SYT2: variants seen among roughly 807,000 people sequenced by gnomAD.
The protein encoded by SYT2 is synaptotagmin 2.
SYT2 carries 15 observed loss-of-function variants against 39.9 expected under a neutral mutation model. That is an observed-to-expected ratio of 0.38 (90% confidence interval 0.25 to 0.58). SYT2 has a LOEUF of 0.58. Among genes scored for constraint, SYT2 ranks in the 20% least tolerant of loss-of-function variants. SYT2 has a pLI of 0.70. For missense variants in SYT2, 389 were observed against 530.3 expected (o/e 0.73, Z 2.62); for synonymous variants, 181 against 204.5 (o/e 0.89, Z 0.98).
chr1:202,657,675 C>T (rs1692303023), intron 1 of SYT2, among the ~76,000 whole-genome samples: 2 of 152,056 alleles, frequency 1.3e-5, no homozygotes, highest in Admixed American at 1.3e-4. Context: ...CCCCCTTCCC[C>T]TGGTTTCAGT....
intron 1 of SYT2, among the ~76,000 whole-genome samples, chr1:202,694,861 T>G (rs1462518736): frequency 1.3e-5 from 2 of 152,108 alleles, no homozygotes; most frequent in African/African-American, 4.8e-5. Flanking sequence ...CAACTGTGCA[T>G]ACATTCTTCT....
chr1:202,605,447 T>G, intron 2 of SYT2, 148 bp downstream of exon 2: 3 of 627,280 alleles, frequency 4.8e-6, no homozygotes, highest in East Asian at 2.9e-5. Context: ...CCCTCCCCGA[T>G]TCCTGCAGGG....
At chr1:202,686,770 C>T (rs1223222034) in intron 1 of SYT2, among the ~76,000 whole-genome samples, 4 of 152,204 alleles carry the variant, frequency 2.6e-5, no homozygotes, top group East Asian at 1.9e-4. Flanking sequence ...GCCAAAGGCA[C>T]GCCCCTCTGC....
intron 1 of SYT2, among the ~76,000 whole-genome samples, chr1:202,687,666 C>CAAAAAAAAAAAAAAAAA (rs59844832): frequency 6.0e-5 from 5 of 83,910 alleles, no homozygotes; most frequent in East Asian, 2.8e-4. Flanking sequence ...AACTCCATCT[C>CAAAAAAAAAAAAAAAAA]AAAAAAAAAA....
At chr1:202,647,927 C>A (rs948407445) in intron 1 of SYT2, among the ~76,000 whole-genome samples, 3 of 151,816 alleles carry the variant, frequency 2.0e-5, no homozygotes, top group African/African-American at 7.3e-5. Flanking sequence ...CACAGTAATT[C>A]TGAGCATTAG....
At chr1:202,677,595 G>A (rs112142001) in intron 1 of SYT2, among the ~76,000 whole-genome samples, 3 of 152,296 alleles carry the variant, frequency 2.0e-5, no homozygotes, top group African/African-American at 7.2e-5. Context: ...TCCTCCAGGG[G>A]CCCCAAAGAA....
rs2149118885 is a variant in SYT2, at chr1:202,694,823, A to T, written c.-18+15435T>A. Among the ~76,000 whole-genome samples the T allele has an allele frequency of 2.0e-5, 3 of 151,354 alleles. No homozygotes were observed. The Middle Eastern group carries it at 0.01, about 518-fold the overall frequency. The stretch of plus-strand genomic sequence containing the variant: ...CTCCTTCTCTCCCCTCCGACACTTT[A>T]ATATATTTATATAAGTTGACTGGTT... On this transcript the variant is annotated intron_variant, in intron 1 of 8. Transcript: ENST00000367268.
intron 1 of SYT2, among the ~76,000 whole-genome samples, chr1:202,674,328 C>T (rs1653283807): frequency 6.6e-6 from 1 of 152,158 alleles, no homozygotes; most frequent in East Asian, 1.9e-4. Context: ...TCTCGAACTC[C>T]TGACCTCAGT....
At chr1:202,597,302 T>G (rs10494834) in intron 8 of SYT2, among the ~76,000 whole-genome samples, 93,730 of 151,894 alleles carry the variant, frequency 0.62, 29,129 homozygotes, top group Admixed American at 0.71. Flanking sequence ...ACAACATGAA[T>G]TGATAAAGGT....
chr1:202,640,759 AG>A (rs1252277821), intron 1 of SYT2, among the ~76,000 whole-genome samples: 16 of 142,170 alleles, frequency 1.1e-4, no homozygotes, highest in Non-Finnish European at 2.3e-4. Flanking sequence ...AGAGAGAGAG[AG>A]AGAGAGAGAG....
At position 202,623,652 on chromosome 1, in the gene SYT2, T is replaced by C. The variant is rs898769158; in HGVS notation, c.-17-17863A>G. 4.6e-5 allele frequency among the ~76,000 whole-genome samples: 7 copies of C among 151,954 alleles called. No individual in the cohort carries two copies. Among genetic ancestry groups the C allele is most frequent in the African/African-American group, 1.7e-4 (7 of 41,378 alleles). On this transcript the variant is annotated intron_variant, in intron 1 of 8. Transcript: ENST00000367268. The surrounding 1 kb of genome is among the most constrained non-coding windows in gnomAD (Gnocchi z 4.2). ...GCTGCCTGGTGTAGGATACGGAAAGTGTGTAGGGGGGGTGCACCCGTGGGC... is the reference window on the plus strand; with the variant it reads ...GCTGCCTGGTGTAGGATACGGAAAGCGTGTAGGGGGGGTGCACCCGTGGGC...
At chr1:202,636,097 C>T (rs1195747204) in intron 1 of SYT2, among the ~76,000 whole-genome samples, 1 of 152,086 alleles carries the variant, frequency 6.6e-6, no homozygotes, top group Middle Eastern at 3.2e-3. Flanking sequence ...CCAGGGTGTC[C>T]CAGCTTGAAG....
Position 202,646,116 on chromosome 1 carries a change from G to A in SYT2, c.-17-40327C>T, listed in dbSNP as rs189199426. Among the ~76,000 whole-genome samples the A allele has an allele frequency of 8.5e-5, 13 of 152,216 alleles. No individual in the cohort carries two copies. In the East Asian group the frequency reaches 1.7e-3, roughly 20 times the overall value. On this transcript the variant is annotated intron_variant, in intron 1 of 8. Transcript: ENST00000367268. ...GGGCTGGGTGCATATCTGGAGCTCC[G>A]CCCTCCTCCCCAGGTGCTCCTTAGG...
chr1:202,660,782 C>T (rs1325832450), intron 1 of SYT2, among the ~76,000 whole-genome samples: 3 of 152,080 alleles, frequency 2.0e-5, no homozygotes, highest in African/African-American at 4.8e-5. Context: ...CGCGTCATGC[C>T]GGTGGATCAC....
chr1:202,625,583 T>C (rs745553747), intron 1 of SYT2, among the ~76,000 whole-genome samples: 3 of 151,864 alleles, frequency 2.0e-5, no homozygotes, highest in Non-Finnish European at 2.9e-5. Flanking sequence ...CTGCGGCCCG[T>C]TGAGGAGACC....
intron 1 of SYT2, among the ~76,000 whole-genome samples, chr1:202,709,091 T>G (rs1654324884): frequency 6.6e-6 from 1 of 152,054 alleles, no homozygotes; most frequent in Admixed American, 6.5e-5. Context: ...TCTGGCTTCC[T>G]GGGCGCCCCC....
intron 1 of SYT2, among the ~76,000 whole-genome samples, chr1:202,700,353 T>C (rs1447381786): frequency 6.6e-6 from 1 of 152,188 alleles, no homozygotes; most frequent in Non-Finnish European, 1.5e-5. Flanking sequence ...TAGGGGAGCA[T>C]GAGGTCCTTA....
chr1:202,619,552 G>C (rs1369233008), intron 1 of SYT2, among the ~76,000 whole-genome samples: 1 of 152,212 alleles, frequency 6.6e-6, no homozygotes, highest in Non-Finnish European at 1.5e-5. Flanking sequence ...CAGACCCTCT[G>C]CCATTGCACC....
chr1:202,597,518 A>C (rs1193231699), intron 8 of SYT2, among the ~76,000 whole-genome samples: 1 of 152,192 alleles, frequency 6.6e-6, no homozygotes, highest in Non-Finnish European at 1.5e-5. Flanking sequence ...TTGGCATCTG[A>C]GAAACATTAG....
Sources: allele counts gnomAD v4.1 joint callset (sites outside exome capture counted in the v4.1 genomes callset), GRCh38; gene constraint gnomAD v4.1.1; non-coding constraint Gnocchi (gnomAD v3.1); transcripts MANE v1.5; gene names NCBI Gene and HGNC (gene_info 2026-07-23, HGNC 2026-07-21).